The following KCTD16 variants were observed in gnomAD, a reference collection of about 807,000 sequenced individuals.
KCTD16 encodes BTB/POZ domain-containing protein KCTD16.
KCTD16 carries 13 observed loss-of-function variants against 33.2 expected under a neutral mutation model. That is an observed-to-expected ratio of 0.39 (90% CI 0.25 to 0.62). The LOEUF is 0.62. Among genes scored for constraint, KCTD16 ranks in the 20% least tolerant of loss-of-function variants. The pLI is 0.50. For synonymous variants in KCTD16, 197 were observed against 195.3 expected (o/e 1.01, Z -0.07); for missense variants, 441 against 525.1 (o/e 0.84, Z 1.57).
chr5:144,359,111 G>A lies in KCTD16; in HGVS notation c.833-114549G>A, dbSNP rs578045634. The stretch of plus-strand genomic sequence containing the variant: ...ATTTTTCAAATGAGAAAAGACTGAC[G>A]ACGCAGTCATACCCAATACATACTT... On this transcript the variant is annotated intron_variant, in intron 3 of 3. Transcript: ENST00000512467. Among the ~76,000 whole-genome samples the A allele has an allele frequency of 3.3e-5, 5 of 152,288 alleles. No individual in the cohort carries two copies. In the South Asian group the frequency reaches 1.0e-3, roughly 32 times the overall value.
intron 3 of KCTD16, among the ~76,000 whole-genome samples, chr5:144,436,119 A>G (rs1373897080): frequency 1.3e-5 from 2 of 152,184 alleles, no homozygotes; most frequent in Non-Finnish European, 2.9e-5. Flanking sequence ...TGTTGTGCAG[A>G]TGTGACTACA....
At chr5:144,192,049 G>A (rs556753814) in intron 2 of KCTD16, among the ~76,000 whole-genome samples, 1 of 152,286 alleles carries the variant, frequency 6.6e-6, no homozygotes, top group African/African-American at 2.4e-5. Flanking sequence ...GGTATGTCAA[G>A]TTGGTGGACC....
chr5:144,467,249 C>A (rs1244906368), intron 3 of KCTD16, among the ~76,000 whole-genome samples: 4 of 151,132 alleles, frequency 2.6e-5, no homozygotes, highest in Non-Finnish European at 4.4e-5. Context: ...AAATATTTTC[C>A]ATTCTAATGT....
intron 3 of KCTD16, among the ~76,000 whole-genome samples, chr5:144,454,108 A>C (rs148598390): frequency 6.0e-4 from 91 of 152,306 alleles, no homozygotes; most frequent in Non-Finnish European, 1.1e-3. Context: ...TCAACAATGA[A>C]TCAACAGTCT....
intron 3 of KCTD16, among the ~76,000 whole-genome samples, chr5:144,418,234 G>A (rs758883447): frequency 3.3e-5 from 5 of 152,160 alleles, no homozygotes; most frequent in Non-Finnish European, 7.4e-5. Flanking sequence ...TTATTACAAA[G>A]AGCAAAAGAA....
intron 2 of KCTD16, among the ~76,000 whole-genome samples, chr5:144,188,091 A>T (rs551542685): frequency 1.3e-5 from 2 of 152,306 alleles, no homozygotes; most frequent in Non-Finnish European, 1.5e-5. Flanking sequence ...CCATCATTAT[A>T]GGTTTCTTGC....
At chr5:144,302,613 A>G (rs914447070) in intron 3 of KCTD16, among the ~76,000 whole-genome samples, 5 of 152,196 alleles carry the variant, frequency 3.3e-5, no homozygotes, top group African/African-American at 1.2e-4. Flanking sequence ...ATCAGCCCAA[A>G]TGACTTTTAG....
intron 3 of KCTD16, among the ~76,000 whole-genome samples, chr5:144,464,395 C>A (rs79967769): frequency 0.022 from 3,398 of 152,070 alleles, 124 homozygotes; most frequent in African/African-American, 0.078. Flanking sequence ...GCAATTTTAC[C>A]CCTAGGGGAC....
At chr5:144,411,990 G>C (rs1467463522) in intron 3 of KCTD16, among the ~76,000 whole-genome samples, 1 of 152,120 alleles carries the variant, frequency 6.6e-6, no homozygotes, top group Non-Finnish European at 1.5e-5. Context: ...TCTCAACCCA[G>C]TTCAAATGGT....
At chr5:144,332,812 T>G (rs530461149) in intron 3 of KCTD16, among the ~76,000 whole-genome samples, 75 of 152,140 alleles carry the variant, frequency 4.9e-4, no homozygotes, top group South Asian at 1.2e-3. Context: ...TACCCGAGAC[T>G]GGGTAATTTA....
intron 3 of KCTD16, among the ~76,000 whole-genome samples, chr5:144,431,524 G>A (rs1483402298): frequency 6.6e-6 from 1 of 152,108 alleles, no homozygotes; most frequent in Non-Finnish European, 1.5e-5. Flanking sequence ...CAGATGAGTG[G>A]CCCTTAAGTC....
At chr5:144,247,674 T>C (rs893897550) in intron 3 of KCTD16, among the ~76,000 whole-genome samples, 2 of 152,226 alleles carry the variant, frequency 1.3e-5, no homozygotes, top group Non-Finnish European at 2.9e-5. Context: ...TGATTATTAT[T>C]ATTACCTACT....
chr5:144,360,845 A>G (rs180915220), intron 3 of KCTD16, among the ~76,000 whole-genome samples: 2 of 152,016 alleles, frequency 1.3e-5, no homozygotes, highest in African/African-American at 2.4e-5. Flanking sequence ...TATTGTGAAC[A>G]TGGCTGCAAT....
At chr5:144,360,086 C>T (rs889139979) in intron 3 of KCTD16, among the ~76,000 whole-genome samples, 5 of 152,126 alleles carry the variant, frequency 3.3e-5, no homozygotes, top group Admixed American at 2.0e-4. Context: ...AAAAGCGTGA[C>T]CATCATTCTT....
chr5:144,201,313 C>T (rs1057283535), intron 2 of KCTD16, among the ~76,000 whole-genome samples: 12 of 152,260 alleles, frequency 7.9e-5, no homozygotes, highest in East Asian at 7.7e-4. Context: ...ACTCTGCCAC[C>T]CCATCTCCCT....
chr5:144,353,580 C>CACATATTATAAGCACTCTATAATAATGT (rs1491277335), intron 3 of KCTD16, among the ~76,000 whole-genome samples: 13 of 152,164 alleles, frequency 8.5e-5, no homozygotes, highest in Non-Finnish European at 1.9e-4. Flanking sequence ...GGCAGTTCCT[C>CACATATTATAAGCACTCTATAATAATGT]ACATATTATA....
intron 3 of KCTD16, among the ~76,000 whole-genome samples, chr5:144,310,156 C>T (rs114331645): frequency 0.013 from 1,937 of 152,016 alleles, 27 homozygotes; most frequent in Middle Eastern, 0.024. Flanking sequence ...GCAAAGTTTG[C>T]CTTTCTGTGT....
intron 2 of KCTD16, among the ~76,000 whole-genome samples, chr5:144,175,683 C>T (rs1752490528): frequency 6.6e-6 from 1 of 152,108 alleles, no homozygotes; most frequent in Admixed American, 6.5e-5. Context: ...CATGGAGCTT[C>T]AGTAATTTAT....
At chr5:144,247,511 A>C (rs958393963) in intron 3 of KCTD16, among the ~76,000 whole-genome samples, 2 of 152,230 alleles carry the variant, frequency 1.3e-5, no homozygotes, top group African/African-American at 2.4e-5. Context: ...ATGGGAGCAC[A>C]GATAAACTAT....
Sources: allele counts gnomAD v4.1 joint callset (sites outside exome capture counted in the v4.1 genomes callset), GRCh38; gene constraint gnomAD v4.1.1; transcripts MANE v1.5; gene names NCBI Gene and HGNC (gene_info 2026-07-23, HGNC 2026-07-21).